Variants in MYH15 observed in about 807,000 individuals in gnomAD.
The protein encoded by MYH15 is myosin-15.
Under a neutral mutation model 240.5 loss-of-function variants are expected in MYH15, and 227 were observed. The observed-to-expected ratio is 0.94, with a 90% confidence interval of 0.85 to 1.05. The LOEUF (loss-of-function observed/expected upper bound fraction) is 1.05, where lower values mean the gene tolerates loss of function less well. Ranked by LOEUF, MYH15 falls within the 50% of genes least tolerant of loss-of-function variation. The pLI is 0.00. For missense variants in MYH15, 2,217 were observed against 2,247.5 expected, an observed-to-expected ratio of 0.99 and a Z score of 0.27; for synonymous variants, 785 against 796.7, an observed-to-expected ratio of 0.99 and a Z score of 0.25.
At chr3:108,437,792 A>AAG (rs72186303) in intron 24 of MYH15, 93 bp from the exon 25 acceptor site, 10 of 1,362,416 alleles carry the variant, frequency 7.3e-6, no homozygotes, top group Non-Finnish European at 9.9e-6. Context: ...TGGAAAAAGA[A>AAG]AGACACAAGC....
chr3:108,506,382 C>T (rs371994232), intron 1 of MYH15, among the ~76,000 whole-genome samples: 31 of 152,178 alleles, frequency 2.0e-4, no homozygotes, highest in East Asian at 9.7e-4. Context: ...ACAACATAAC[C>T]GGCTCATATT....
chr3:108,425,092 T>C (rs1208997516), intron 27 of MYH15, among the ~76,000 whole-genome samples: 1 of 152,234 alleles, frequency 6.6e-6, no homozygotes, highest in East Asian at 1.9e-4. Flanking sequence ...CCAAAAGTGC[T>C]ACAGGAACTC....
At chr3:108,460,404 TA>T (rs747224779) in intron 16 of MYH15, 37 bp from the exon 17 acceptor site, 3 of 1,516,408 alleles carry the variant, frequency 2.0e-6, no homozygotes, top group Admixed American at 2.1e-5. Context: ...TGAAAACATG[TA>T]AAAAGCTCAT....
chr3:108,476,041 C>T (rs776608104), intron 12 of MYH15, among the ~76,000 whole-genome samples: 5 of 152,162 alleles, frequency 3.3e-5, no homozygotes, highest in Admixed American at 1.3e-4. Flanking sequence ...ATGCCAAATA[C>T]GTGAAGCATG....
intron 21 of MYH15, among the ~76,000 whole-genome samples, chr3:108,447,770 A>G (rs2082940653): frequency 6.6e-6 from 1 of 152,120 alleles, no homozygotes; most frequent in African/African-American, 2.4e-5. Flanking sequence ...ACCACACAAA[A>G]ATATATAAAA....
chr3:108,537,252 A>G, the MYH15 span, among the ~76,000 whole-genome samples: 1 of 152,218 alleles, frequency 6.6e-6, no homozygotes, highest in African/African-American at 2.4e-5. Context: ...TGTACAACCA[A>G]AACAGCCACA....
At position 108,493,122 on chromosome 3, in the gene MYH15, A is replaced by G. The variant is rs199543416; in HGVS notation, c.767T>C (p.Ile256Thr). ...GTGCAATGACTACTTACAGATATCA[A>G]TGTCCACAGATGACAGCATGCCTCT... ...GARGMLSSVD[I>T]DIYLLEKSRV... is the part of the protein sequence containing the mutation. Residue 256 changes from isoleucine to threonine, a missense_variant, in exon 8 of 41, where the codon ATT (isoleucine) becomes ACT (threonine). Physicochemically the swap from Ile to Thr is moderately conservative, Grantham distance 89. Transcript: ENST00000693548. The G allele has an allele frequency of 6.4e-5, 103 of 1,614,104 alleles. No homozygotes were observed. The highest frequency in any genetic ancestry group is 4.2e-4 in the South Asian group (38 of 91,080).
chr3:108,541,142 A>G, the MYH15 span, among the ~76,000 whole-genome samples: 1 of 151,978 alleles, frequency 6.6e-6, no homozygotes, highest in Admixed American at 6.5e-5. Flanking sequence ...AAACCTATAA[A>G]CCTAACATTA....
At chr3:108,429,071 C>A (rs926692288) in intron 26 of MYH15, among the ~76,000 whole-genome samples, 190 bp from the exon 27 acceptor site, 12 of 152,058 alleles carry the variant, frequency 7.9e-5, no homozygotes, top group African/African-American at 2.7e-4. Flanking sequence ...TGCAGTTCTG[C>A]CAAATTGCTC....
chr3:108,470,917 C>T (rs1387227370), intron 12 of MYH15, 70 bp from the exon 13 acceptor site: 12 of 1,497,478 alleles, frequency 8.0e-6, no homozygotes, highest in Non-Finnish European at 1.0e-5. Context: ...CATTCTCTAT[C>T]AGCAACTGCC....
intron 36 of MYH15, 111 bp from the exon 37 acceptor site, chr3:108,392,041 G>T: frequency 8.6e-7 from 1 of 1,160,812 alleles, no homozygotes; most frequent in Non-Finnish European, 1.2e-6. Context: ...TTGCCTCTAT[G>T]TATGTGATCT....
chr3:108,434,370 C>G (rs988996980), intron 25 of MYH15, among the ~76,000 whole-genome samples: 34 of 151,428 alleles, frequency 2.2e-4, no homozygotes, highest in African/African-American at 7.5e-4. Context: ...TTAGTAGAGA[C>G]AGGGTTTATC....
Position 108,428,587 on chromosome 3 carries a change from G to A in MYH15, c.3607C>T (p.Gln1203Ter), listed in dbSNP as rs1419121317. 1.2e-6 allele frequency: 2 copies of A among 1,613,716 alleles called. No homozygotes were observed. Among genetic ancestry groups the A allele is most frequent in the African/African-American group, 1.3e-5 (1 of 74,888 alleles). ...AELEGQVENL[Q>*]QVKQKLEKDK... ...TTTTCCAGTTTCTGCTTGACCTGCT[G>A]TAGATTTTCTACCTGGCCCTCGAGC... The change falls in exon 27 of 41, where the codon CAG becomes TAG. Residue 1203 changes from glutamine (Q) to a stop codon, truncating the protein, a stop_gained. Coordinates refer to ENST00000693548, the MANE Select transcript of MYH15 (RefSeq NM_014981.3). LOFTEE classifies it high-confidence loss of function.
In MYH15 at chr3:108,398,832, T is replaced by C. The variant is rs762225303; in HGVS notation, c.4938A>G (p.Gln1646=). The change falls in exon 35 of 41, where the codon CAA becomes CAG. Residue 1646 remains glutamine, a synonymous_variant. Transcript: ENST00000693548. ...GTTGTGTGCTGTCATCCAGCTGCAT[T>C]TGAAGGTCCTGGGAGAGAAAAGATG... ...GQLQIQIKDL[Q]MQLDDSTQLN... is the part of the protein sequence containing the mutation. The C allele has an allele frequency of 6.2e-7, 1 of 1,614,182 alleles. No individual in the cohort carries two copies. The highest frequency in any genetic ancestry group is 8.5e-7 in the Non-Finnish European group (1 of 1,180,028).
rs772485577 is a variant in MYH15 at position 108,455,875 on chromosome 3, GA to G, written c.2139-17del. 2 of 1,603,494 alleles carry G rather than the reference GA, an allele frequency of 1.2e-6. No homozygotes were observed. The highest frequency in any genetic ancestry group is 1.7e-6 in the Non-Finnish European group (2 of 1,172,112). The stretch of plus-strand genomic sequence containing the variant: ...AATGCAGTACCTAATTTAAAATAAA[GA>G]AAAAATCATGAGTTTGGGAAATCAT... On this transcript the variant is annotated splice_polypyrimidine_tract_variant and intron_variant, in intron 19 of 40. Transcript: ENST00000693548.
intron 25 of MYH15, among the ~76,000 whole-genome samples, chr3:108,436,398 T>C (rs1318921264): frequency 1.3e-5 from 2 of 152,216 alleles, no homozygotes; most frequent in East Asian, 3.8e-4. Context: ...AGTAACTTGT[T>C]AGCAGAATAT....
chr3:108,452,801 T>C (rs1009436009), intron 21 of MYH15, among the ~76,000 whole-genome samples: 1 of 152,120 alleles, frequency 6.6e-6, no homozygotes, highest in African/African-American at 2.4e-5. Flanking sequence ...TTTTTTTTAA[T>C]GTTGTTAGCA....
chr3:108,442,628 G>T (rs919669781), intron 22 of MYH15, among the ~76,000 whole-genome samples: 3 of 152,060 alleles, frequency 2.0e-5, no homozygotes, highest in African/African-American at 7.2e-5. Context: ...AGGATTTGGG[G>T]GCTGAGCAAT....
At chr3:108,461,826 G>A (rs926341650) in intron 16 of MYH15, 1 of 152,150 alleles carries the variant, frequency 6.6e-6, no homozygotes, top group Non-Finnish European at 1.5e-5. Context: ...GCCAGAAAGT[G>A]CTAAATTTTC....
Sources: allele counts gnomAD v4.1 joint callset (sites outside exome capture counted in the v4.1 genomes callset), GRCh38; gene constraint gnomAD v4.1.1; transcripts MANE v1.5; gene names NCBI Gene and HGNC (gene_info 2026-07-23, HGNC 2026-07-21).